The following MACROD2 variants were observed in gnomAD, a reference collection of about 807,000 sequenced individuals.
The protein encoded by MACROD2 is ADP-ribose glycohydrolase MACROD2.
In MACROD2, 36 loss-of-function variants were observed where a neutral mutation model predicts 70.4. That is an observed-to-expected ratio of 0.51 (90% CI 0.39 to 0.68). The LOEUF (loss-of-function observed/expected upper bound fraction) is 0.68. MACROD2 is among the 30% of genes least tolerant of loss of function. MACROD2 has a pLI of 0.00. For synonymous variants in MACROD2, 172 were observed against 178.8 expected, an observed-to-expected ratio of 0.96 and a Z score of 0.30; for missense variants, 496 against 538.4, an observed-to-expected ratio of 0.92 and a Z score of 0.78.
chr20:14,255,578 T>C (rs1416139751), intron 3 of MACROD2, among the ~76,000 whole-genome samples: 3 of 151,900 alleles, frequency 2.0e-5, no homozygotes, highest in East Asian at 1.9e-4. Context: ...GAGATGTACC[T>C]AATGCTAAAT....
intron 8 of MACROD2, among the ~76,000 whole-genome samples, chr20:15,770,477 ATC>A (rs2051606212): frequency 6.6e-6 from 1 of 152,008 alleles, no homozygotes; most frequent in African/African-American, 2.4e-5. Context: ...ATTTTTACTC[ATC>A]TCTGACTCTA....
intron 15 of MACROD2, among the ~76,000 whole-genome samples, chr20:16,018,851 G>A (rs1041571657): frequency 6.6e-6 from 1 of 152,086 alleles, no homozygotes; most frequent in African/African-American, 2.4e-5. Flanking sequence ...TTGTGGCTAG[G>A]TGTCTTATAT....
At chr20:14,567,091 A>G (rs893354764) in intron 4 of MACROD2, among the ~76,000 whole-genome samples, 2 of 151,938 alleles carry the variant, frequency 1.3e-5, no homozygotes, top group Non-Finnish European at 2.9e-5. Context: ...CCTAGTAGCT[A>G]GGACTACAGG....
chr20:15,345,587 G>C (rs1257003880), intron 6 of MACROD2, among the ~76,000 whole-genome samples: 1 of 152,240 alleles, frequency 6.6e-6, no homozygotes, highest in African/African-American at 2.4e-5. Flanking sequence ...AATGGAAATA[G>C]TCTCTGTGCT....
chr20:15,816,325 A>G (rs1460637955), intron 8 of MACROD2, among the ~76,000 whole-genome samples: 1 of 152,106 alleles, frequency 6.6e-6, no homozygotes, highest in Non-Finnish European at 1.5e-5. Context: ...TTTGTATGCT[A>G]GGTCAACTCC....
intron 5 of MACROD2, among the ~76,000 whole-genome samples, chr20:15,203,368 C>T (rs758464810): frequency 1.1e-4 from 16 of 151,790 alleles, no homozygotes; most frequent in East Asian, 1.9e-4. Context: ...TTTTATGAAC[C>T]GAGTGGGAAG....
chr20:14,135,328 A>G (rs2054780287), intron 3 of MACROD2, among the ~76,000 whole-genome samples: 1 of 152,206 alleles, frequency 6.6e-6, no homozygotes, highest in African/African-American at 2.4e-5. Flanking sequence ...AGAATATCCC[A>G]AGAATTTAAG....
intron 4 of MACROD2, among the ~76,000 whole-genome samples, chr20:14,605,546 C>T (rs894426160): frequency 6.6e-6 from 1 of 152,112 alleles, no homozygotes; most frequent in Non-Finnish European, 1.5e-5. Context: ...CTTTTATGGG[C>T]AACAAAGTTC....
At chr20:15,782,877 A>G (rs1481063511) in intron 8 of MACROD2, among the ~76,000 whole-genome samples, 1 of 151,982 alleles carries the variant, frequency 6.6e-6, no homozygotes, top group African/African-American at 2.4e-5. Context: ...TTTCTATCTC[A>G]CACAGAGTCT....
At chr20:15,209,115 G>GATT (rs1555792786) in intron 5 of MACROD2, among the ~76,000 whole-genome samples, 3 of 147,180 alleles carry the variant, frequency 2.0e-5, no homozygotes, top group East Asian at 2.0e-4. Flanking sequence ...GGTGGTGGTG[G>GATT]TATTTATTTA....
At position 14,472,604 on chromosome 20, in the gene MACROD2, A is replaced by T. The variant is rs574752544; in HGVS notation, c.272-20875A>T. On this transcript the variant is annotated intron_variant, in intron 3 of 17. Transcript: ENST00000684519. ...GGACCCAGAAAAATAATTAATTAAA[A>T]TTTTATGGGATAAGTGTTGTACAAA... 1.4e-4 allele frequency among the ~76,000 whole-genome samples: 22 copies of T among 152,322 alleles called. 1 individual carries two copies. Among genetic ancestry groups the T allele is most frequent in the African/African-American group, 5.1e-4 (21 of 41,582 alleles).
At chr20:14,685,709 G>A (rs927058569) in intron 5 of MACROD2, among the ~76,000 whole-genome samples, 3 of 152,148 alleles carry the variant, frequency 2.0e-5, no homozygotes, top group Admixed American at 6.5e-5. Flanking sequence ...CATCATTAAG[G>A]TGTGTATTGA....
At chr20:14,902,980 A>G (rs994167688) in intron 5 of MACROD2, among the ~76,000 whole-genome samples, 1 of 151,024 alleles carries the variant, frequency 6.6e-6, no homozygotes, top group Non-Finnish European at 1.5e-5. Flanking sequence ...AGCAAAACCC[A>G]TGTAGTAAAA....
chr20:14,191,624 A>G (rs2081388843), intron 3 of MACROD2, among the ~76,000 whole-genome samples: 1 of 152,224 alleles, frequency 6.6e-6, no homozygotes, highest in African/African-American at 2.4e-5. Flanking sequence ...TGGAGAAACT[A>G]TTTTAAAATA....
At chr20:14,775,877 A>G (rs1012073793) in intron 5 of MACROD2, among the ~76,000 whole-genome samples, 10 of 152,084 alleles carry the variant, frequency 6.6e-5, no homozygotes, top group African/African-American at 2.4e-4. Context: ...TGAAAAAAAA[A>G]GATCTGTCCT....
At chr20:15,008,458 C>A (rs933566424) in intron 5 of MACROD2, among the ~76,000 whole-genome samples, 1 of 152,214 alleles carries the variant, frequency 6.6e-6, no homozygotes. Flanking sequence ...TGAGCACAGA[C>A]TGTGTGCAAC....
At chr20:15,366,095 GATT>G (rs2045405286) in intron 6 of MACROD2, among the ~76,000 whole-genome samples, 1 of 152,138 alleles carries the variant, frequency 6.6e-6, no homozygotes, top group Non-Finnish European at 1.5e-5. Context: ...AACAGAGAGG[GATT>G]ATTATTATTT....
chr20:14,449,778 C>T lies in MACROD2; in HGVS notation c.272-43701C>T, dbSNP rs75632112. Among the ~76,000 whole-genome samples the T allele has an allele frequency of 3.8e-3, 582 of 152,242 alleles. 14 individuals carry two copies. Among genetic ancestry groups the T allele is most frequent in the East Asian group, 0.027 (138 of 5,184 alleles). ...GAAAACTTAAGCAGCTTGTCCAAAT[C>T]ACATAGCTAGTAGTTATCAGAATCA... is the stretch of plus-strand genomic sequence containing the variant. On this transcript the variant is annotated intron_variant, in intron 3 of 17. Coordinates refer to ENST00000684519, the MANE Select transcript of MACROD2 (RefSeq NM_001351661.2).
intron 2 of MACROD2, among the ~76,000 whole-genome samples, chr20:14,061,404 T>G (rs908648477): frequency 6.6e-6 from 1 of 152,130 alleles, no homozygotes. Context: ...ATGTGAGTTT[T>G]GGTAAATGTT....
Sources: allele counts gnomAD v4.1 joint callset (sites outside exome capture counted in the v4.1 genomes callset), GRCh38; gene constraint gnomAD v4.1.1; transcripts MANE v1.5; gene names NCBI Gene and HGNC (gene_info 2026-07-23, HGNC 2026-07-21).